The following SCHIP1 variants were observed in gnomAD, a reference collection of about 807,000 sequenced individuals.
SCHIP1 encodes schwannomin interacting protein 1, also known as schwannomin-interacting protein 1.
Under a neutral mutation model 29.7 loss-of-function variants are expected in SCHIP1, and 8 were observed. The ratio of observed to expected loss-of-function variants is 0.27; its 90% CI spans 0.16 to 0.49. The LOEUF is 0.49. Ranked by LOEUF, SCHIP1 falls within the 20% of genes least tolerant of loss-of-function variation. SCHIP1 has a pLI of 0.99. For missense variants in SCHIP1, 193 were observed against 294.6 expected, an observed-to-expected ratio of 0.66 and a Z score of 2.52; for synonymous variants, 76 against 94.9, an observed-to-expected ratio of 0.80 and a Z score of 1.16.
the SCHIP1 span, among the ~76,000 whole-genome samples, chr3:159,695,672 A>G: frequency 6.6e-6 from 1 of 152,148 alleles, no homozygotes; most frequent in Admixed American, 6.5e-5. Flanking sequence ...TGGTTAAAAA[A>G]ACTTTGTAGT....
the SCHIP1 span, among the ~76,000 whole-genome samples, chr3:159,325,163 G>A: frequency 6.6e-6 from 1 of 151,902 alleles, no homozygotes; most frequent in South Asian, 2.1e-4. Context: ...GACCTTATCC[G>A]AGACCTTATC....
the SCHIP1 span, among the ~76,000 whole-genome samples, chr3:159,720,023 C>A: frequency 6.6e-6 from 1 of 152,164 alleles, no homozygotes; most frequent in Non-Finnish European, 1.5e-5. Context: ...AAATGTGGCA[C>A]ATATACACCA....
the SCHIP1 span, among the ~76,000 whole-genome samples, chr3:159,737,038 A>G: frequency 0.59 from 89,532 of 152,132 alleles, 26,617 homozygotes; most frequent in East Asian, 0.71. Flanking sequence ...CCGGCCAAAG[A>G]CCACATTCTT....
At chr3:159,893,898 G>A (rs1361132315) in intron 6 of SCHIP1, 1 of 152,126 alleles carries the variant, frequency 6.6e-6, no homozygotes, top group Non-Finnish European at 1.5e-5. Flanking sequence ...TTCCTCATTG[G>A]AGGGACCTGA....
upstream of SCHIP1, among the ~76,000 whole-genome samples, chr3:159,835,485 A>G (rs1743573463): frequency 6.6e-6 from 1 of 152,190 alleles, no homozygotes. Context: ...ACAGCTTTCC[A>G]TTGACCTATC....
the SCHIP1 span, among the ~76,000 whole-genome samples, chr3:159,541,668 T>C: frequency 1.3e-5 from 2 of 152,060 alleles, no homozygotes; most frequent in African/African-American, 4.8e-5. Context: ...TGTTCCTTAA[T>C]TGAACAAAAT....
At chr3:159,432,339 T>TGTGAGAGA in the SCHIP1 span, among the ~76,000 whole-genome samples, 9 of 69,368 alleles carry the variant, frequency 1.3e-4, no homozygotes, top group Admixed American at 7.9e-4. Flanking sequence ...TGTGTGTGTG[T>TGTGAGAGA]GAGAGAGAGA....
the SCHIP1 span, among the ~76,000 whole-genome samples, chr3:159,542,544 T>A: frequency 6.6e-6 from 1 of 152,162 alleles, no homozygotes; most frequent in South Asian, 2.1e-4. Context: ...CACATACCCG[T>A]ATTCATTCCT....
the SCHIP1 span, among the ~76,000 whole-genome samples, chr3:159,810,943 GT>G: frequency 6.6e-6 from 1 of 152,170 alleles, no homozygotes; most frequent in African/African-American, 2.4e-5. Context: ...GAGGCTTACG[GT>G]TTTTTCATAT....
chr3:159,769,350 C>T, the SCHIP1 span, among the ~76,000 whole-genome samples: 1 of 152,210 alleles, frequency 6.6e-6, no homozygotes, highest in Non-Finnish European at 1.5e-5. Context: ...ATCTTTTTCT[C>T]TGTGTTTGTC....
the SCHIP1 span, among the ~76,000 whole-genome samples, chr3:159,320,467 A>T: frequency 7.2e-3 from 1,099 of 152,312 alleles, 9 homozygotes; most frequent in African/African-American, 0.025. Flanking sequence ...GTATTTCGTT[A>T]TAGAAGCCTA....
chr3:159,498,759 G>A, the SCHIP1 span, among the ~76,000 whole-genome samples: 13 of 151,904 alleles, frequency 8.6e-5, no homozygotes, highest in South Asian at 1.0e-3. Flanking sequence ...AATTACTAAC[G>A]AAAAGAGAAT....
At chr3:159,418,335 C>G in the SCHIP1 span, among the ~76,000 whole-genome samples, 1 of 152,258 alleles carries the variant, frequency 6.6e-6, no homozygotes, top group South Asian at 2.1e-4. Context: ...GATATCTAGA[C>G]TTGGCACACT....
chr3:159,524,025 T>A, the SCHIP1 span, among the ~76,000 whole-genome samples: 5 of 152,202 alleles, frequency 3.3e-5, no homozygotes, highest in African/African-American at 1.2e-4. Context: ...AATATCAGCA[T>A]CCTCTTATTA....
At chr3:159,580,247 T>C in the SCHIP1 span, among the ~76,000 whole-genome samples, 41,905 of 152,128 alleles carry the variant, frequency 0.28, 9,415 homozygotes, top group African/African-American at 0.61. Context: ...ACCAGGATTC[T>C]GATTTGAGGA....
At chr3:159,474,794 T>TGG in the SCHIP1 span, among the ~76,000 whole-genome samples, 1 of 152,144 alleles carries the variant, frequency 6.6e-6, no homozygotes, top group Non-Finnish European at 1.5e-5. Flanking sequence ...GAGGAACCAC[T>TGG]AGTCAGAGAC....
the SCHIP1 span, among the ~76,000 whole-genome samples, chr3:159,613,932 T>C: frequency 7.2e-5 from 11 of 152,238 alleles, no homozygotes; most frequent in Non-Finnish European, 1.2e-4. Flanking sequence ...TATAAATTAT[T>C]ACAGTCTTCA....
the SCHIP1 span, among the ~76,000 whole-genome samples, chr3:159,300,462 C>A: frequency 1.3e-5 from 2 of 152,140 alleles, no homozygotes; most frequent in Non-Finnish European, 2.9e-5. Context: ...CACCAGCCTA[C>A]ATAGTAAAGC....
chr3:159,304,090 C>T, the SCHIP1 span, among the ~76,000 whole-genome samples: 1 of 150,494 alleles, frequency 6.6e-6, no homozygotes, highest in Non-Finnish European at 1.5e-5. Flanking sequence ...TCAGTTCCCA[C>T]CTATGAGTGA....
Sources: gnomAD v4.1 joint callset for allele counts (sites outside exome capture counted in the v4.1 genomes callset) on GRCh38, gnomAD v4.1.1 for gene constraint, MANE v1.5 for transcripts, NCBI Gene and HGNC (gene_info 2026-07-23, HGNC 2026-07-21) for gene names.